The following C1orf185 variants were observed in gnomAD, a reference collection of about 807,000 sequenced individuals.
C1orf185 encodes the protein chromosome 1 open reading frame 185.
C1orf185 carries 13 observed loss-of-function variants against 16.1 expected under a neutral mutation model. The observed-to-expected ratio is 0.81, with a 90% CI of 0.53 to 1.28. C1orf185 has a LOEUF of 1.28. Among genes scored for constraint, C1orf185 ranks in the 50% most tolerant of loss-of-function variants. The pLI, the probability that C1orf185 is intolerant of heterozygous loss-of-function variation, is 0.00. For synonymous variants in C1orf185, 80 were observed against 76.9 expected (o/e 1.04, Z -0.21); for missense variants, 220 against 225.2 (o/e 0.98, Z 0.15).
At chr1:51,123,206 C>T (rs1269487561) in intron 3 of C1orf185, among the ~76,000 whole-genome samples, 2 of 152,128 alleles carry the variant, frequency 1.3e-5, no homozygotes, top group Non-Finnish European at 2.9e-5. Flanking sequence ...TCTATTAATC[C>T]ATTAAGCCAT....
chr1:51,143,136 C>T (rs1222845534), intron 3 of C1orf185, among the ~76,000 whole-genome samples: 4 of 151,764 alleles, frequency 2.6e-5, no homozygotes, highest in Non-Finnish European at 5.9e-5. Flanking sequence ...TTGTTTTTGC[C>T]ACACTGTATT....
chr1:51,122,768 C>A (rs1646207185), intron 3 of C1orf185, among the ~76,000 whole-genome samples: 1 of 152,204 alleles, frequency 6.6e-6, no homozygotes, highest in Admixed American at 6.5e-5. Flanking sequence ...TAACCCCTGG[C>A]AACCCCTGAT....
chr1:51,146,074 A>G (rs1488924595), intron 4 of C1orf185, among the ~76,000 whole-genome samples: 2 of 152,244 alleles, frequency 1.3e-5, no homozygotes, highest in Non-Finnish European at 2.9e-5. Context: ...TAGTACCTCA[A>G]AACATTACCT....
intron 3 of C1orf185, among the ~76,000 whole-genome samples, chr1:51,142,063 C>T (rs902136888): frequency 6.6e-6 from 1 of 152,162 alleles, no homozygotes; most frequent in African/African-American, 2.4e-5. Flanking sequence ...GTGTGAGCCA[C>T]AGCACCCAGC....
intron 3 of C1orf185, among the ~76,000 whole-genome samples, chr1:51,142,367 G>A (rs1239976990): frequency 6.6e-6 from 1 of 152,156 alleles, no homozygotes; most frequent in Non-Finnish European, 1.5e-5. Context: ...CATAATAGGT[G>A]GCTCCTCAAT....
intron 1 of C1orf185, 177 bp downstream of exon 1, chr1:51,102,426 G>C: frequency 2.4e-6 from 1 of 418,542 alleles, no homozygotes; most frequent in South Asian, 5.7e-5. Flanking sequence ...ATTTTCTTTG[G>C]GGGAAATTTT....
intron 1 of C1orf185, among the ~76,000 whole-genome samples, chr1:51,110,729 G>A (rs1294055742): frequency 1.3e-5 from 2 of 152,176 alleles, no homozygotes; most frequent in Non-Finnish European, 2.9e-5. Flanking sequence ...AGCACTGCGG[G>A]AGGCTGAGGT....
At chr1:51,121,577 A>G (rs1221932983) in intron 3 of C1orf185, among the ~76,000 whole-genome samples, 1 of 152,178 alleles carries the variant, frequency 6.6e-6, no homozygotes, top group Non-Finnish European at 1.5e-5. Flanking sequence ...TTTCAGTACA[A>G]AAGAACTCTT....
At chr1:51,135,969 C>A (rs1646320784) in intron 3 of C1orf185, among the ~76,000 whole-genome samples, 1 of 152,204 alleles carries the variant, frequency 6.6e-6, no homozygotes, top group Non-Finnish European at 1.5e-5. Context: ...TCTCAGGATA[C>A]AAACTCAATG....
downstream of C1orf185, among the ~76,000 whole-genome samples, chr1:51,150,137 G>T (rs147509188): frequency 5.1e-4 from 77 of 151,416 alleles, no homozygotes; most frequent in African/African-American, 1.7e-3. Context: ...ATTATAAATA[G>T]ATTTATGCAT....
chr1:51,112,378 C>T, intron 1 of C1orf185, 86 bp from the exon 2 acceptor site: 2 of 1,060,680 alleles, frequency 1.9e-6, no homozygotes, highest in South Asian at 1.6e-5. Context: ...CTACAACATG[C>T]TATATCATTT....
chr1:51,113,750 A>G (rs1198671508), intron 2 of C1orf185, among the ~76,000 whole-genome samples: 1 of 152,214 alleles, frequency 6.6e-6, no homozygotes, highest in Non-Finnish European at 1.5e-5. Context: ...TAAAATATAT[A>G]AATTGTAACA....
chr1:51,151,760 G>T (rs930294523), downstream of C1orf185, among the ~76,000 whole-genome samples: 5 of 151,776 alleles, frequency 3.3e-5, no homozygotes, highest in African/African-American at 1.2e-4. Flanking sequence ...AATGGTCTTG[G>T]CTCACTGCAA....
At chr1:51,139,363 C>A (rs1570319164) in intron 3 of C1orf185, among the ~76,000 whole-genome samples, 1 of 152,112 alleles carries the variant, frequency 6.6e-6, no homozygotes, top group East Asian at 1.9e-4. Context: ...TTGGCCTCCC[C>A]AAAGCACTGG....
At chr1:51,131,675 C>A (rs1207290035) in intron 3 of C1orf185, among the ~76,000 whole-genome samples, 1 of 152,108 alleles carries the variant, frequency 6.6e-6, no homozygotes, top group African/African-American at 2.4e-5. Context: ...TTAAGCTTAT[C>A]CATATTGCTT....
intron 3 of C1orf185, among the ~76,000 whole-genome samples, chr1:51,131,720 C>T (rs1557650131): frequency 6.6e-6 from 1 of 152,198 alleles, no homozygotes; most frequent in Non-Finnish European, 1.5e-5. Flanking sequence ...TCTTTTACAA[C>T]TTTCTACATT....
intron 2 of C1orf185, among the ~76,000 whole-genome samples, chr1:51,114,946 T>G (rs549161863): frequency 1.3e-5 from 2 of 152,190 alleles, no homozygotes; most frequent in Non-Finnish European, 2.9e-5. Context: ...ACTCCTGACC[T>G]CCTACCTCAG....
chr1:51,140,184 C>T (rs1646355340), intron 3 of C1orf185, among the ~76,000 whole-genome samples: 1 of 152,192 alleles, frequency 6.6e-6, no homozygotes, highest in African/African-American at 2.4e-5. Flanking sequence ...TTCGTTGTCT[C>T]ACGCCTCAAA....
chr1:51,149,456 C>G (rs1646419878), downstream of C1orf185, among the ~76,000 whole-genome samples: 1 of 152,180 alleles, frequency 6.6e-6, no homozygotes, highest in Non-Finnish European at 1.5e-5. Context: ...GCTATCCTCA[C>G]CTAAATCTAA....
Sources: allele counts gnomAD v4.1 joint callset (sites outside exome capture counted in the v4.1 genomes callset), GRCh38; gene constraint gnomAD v4.1.1; transcripts MANE v1.5; gene names NCBI Gene and HGNC (gene_info 2026-07-23, HGNC 2026-07-21).